Variants in FMNL2 observed in about 807,000 individuals in gnomAD.
FMNL2 encodes formin-like protein 2.
In FMNL2, 51 loss-of-function variants were observed where a neutral mutation model predicts 130.2. The ratio of observed to expected loss-of-function variants is 0.39; its 90% confidence interval spans 0.31 to 0.49. The LOEUF is 0.49. FMNL2 is among the 20% of genes least tolerant of loss of function. The pLI, the probability that FMNL2 is intolerant of heterozygous loss-of-function variation, is 0.85. For missense variants in FMNL2, 977 were observed against 1,316.2 expected (o/e 0.74, Z 3.99); for synonymous variants, 465 against 467.1 (o/e 1.00, Z 0.06).
At chr2:152,372,640 C>T (rs1007756988) in intron 1 of FMNL2, among the ~76,000 whole-genome samples, 4 of 152,194 alleles carry the variant, frequency 2.6e-5, no homozygotes, top group African/African-American at 4.8e-5. Flanking sequence ...TTAACCTTGG[C>T]AGGGTCTGTA....
chr2:152,612,294 A>G (rs1265369624), intron 11 of FMNL2, among the ~76,000 whole-genome samples: 2 of 152,164 alleles, frequency 1.3e-5, no homozygotes, highest in Non-Finnish European at 2.9e-5. Context: ...GCTGAGGTGG[A>G]GGATCACTTG....
chr2:152,622,982 C>T (rs1316200045), intron 15 of FMNL2, among the ~76,000 whole-genome samples: 1 of 152,132 alleles, frequency 6.6e-6, no homozygotes, highest in African/African-American at 2.4e-5. Context: ...GCCATGGGGA[C>T]ACAGTGTGTC....
intron 1 of FMNL2, among the ~76,000 whole-genome samples, chr2:152,430,824 G>C (rs1333508564): frequency 6.6e-6 from 1 of 152,138 alleles, no homozygotes; most frequent in Admixed American, 6.5e-5. Context: ...AGTGAGCCAA[G>C]ATCATGCCAC....
At chr2:152,464,693 G>C (rs1264506097) in intron 1 of FMNL2, among the ~76,000 whole-genome samples, 1 of 152,228 alleles carries the variant, frequency 6.6e-6, no homozygotes, top group Non-Finnish European at 1.5e-5. Context: ...ATCAGCGTGT[G>C]AGGAGGAGGC....
rs1694381212 is a variant in FMNL2 at position 152,542,726 on chromosome 2, G to A, written c.202-13G>A. The A allele has an allele frequency of 6.2e-7, 1 of 1,613,700 alleles. No homozygotes were observed. Among genetic ancestry groups the A allele is most frequent in the South Asian group, 1.1e-5 (1 of 91,082 alleles). The stretch of plus-strand genomic sequence containing the variant: ...CATACCTTTCATGCTTTGGACTTTT[G>A]TGCTTTCTGCAGGAACGATTCCAGG... On this transcript the variant is annotated splice_polypyrimidine_tract_variant and intron_variant, in intron 2 of 25. Transcript: ENST00000288670.
intron 21 of FMNL2, among the ~76,000 whole-genome samples, chr2:152,634,121 A>C (rs945797806): frequency 6.6e-6 from 1 of 152,190 alleles, no homozygotes; most frequent in African/African-American, 2.4e-5. Context: ...GTGAATTATC[A>C]ATCATTATAA....
intron 11 of FMNL2, 145 bp from the exon 12 acceptor site, chr2:152,614,706 C>T (rs1176456607): frequency 1.4e-6 from 1 of 727,434 alleles, no homozygotes; most frequent in East Asian, 3.1e-5. Context: ...TCATACCATT[C>T]CACTCCAGCC....
intron 1 of FMNL2, among the ~76,000 whole-genome samples, chr2:152,397,054 A>T (rs552948733): frequency 6.6e-6 from 1 of 152,196 alleles, no homozygotes; most frequent in Non-Finnish European, 1.5e-5. Flanking sequence ...TAAAATTGCA[A>T]TTAGCATTAT....
intron 1 of FMNL2, among the ~76,000 whole-genome samples, chr2:152,451,682 C>T (rs547446981): frequency 3.3e-5 from 5 of 152,054 alleles, no homozygotes; most frequent in South Asian, 2.1e-4. Flanking sequence ...GAGGTCAGCC[C>T]GCTTGCTCCG....
At chr2:152,571,825 C>T (rs982711558) in intron 6 of FMNL2, among the ~76,000 whole-genome samples, 3 of 151,976 alleles carry the variant, frequency 2.0e-5, no homozygotes, top group African/African-American at 7.3e-5. Context: ...CATGTATATA[C>T]ATTATTTTAT....
intron 12 of FMNL2, among the ~76,000 whole-genome samples, chr2:152,615,572 G>C (rs78664490): frequency 3.9e-5 from 6 of 152,122 alleles, no homozygotes; most frequent in Admixed American, 3.9e-4. Context: ...ACAGGACAGG[G>C]TCTCATTTTT....
chr2:152,425,823 A>G (rs1175673248), intron 1 of FMNL2, among the ~76,000 whole-genome samples: 6 of 152,148 alleles, frequency 3.9e-5, no homozygotes, highest in East Asian at 1.9e-4. Flanking sequence ...TTTCTAATCA[A>G]TAGTTCTTGG....
chr2:152,554,131 C>A (rs780327683), intron 4 of FMNL2, among the ~76,000 whole-genome samples: 5 of 152,150 alleles, frequency 3.3e-5, no homozygotes, highest in Admixed American at 6.5e-5. Flanking sequence ...AATCCATTGG[C>A]CAGGTGCTGT....
chr2:152,336,092 A>AAAAC lies in FMNL2; in HGVS notation c.117+375_117+376insCAAA, dbSNP rs1553861630. ...GAGCCGCTTAGGCTTTTTTTTTAAA[A>AAAAC]AAAACAAAACAAAACAAAACAAAAC... On this transcript the variant is annotated intron_variant, in intron 1 of 25. Transcript: ENST00000288670. Among the ~76,000 whole-genome samples, 413 of 132,334 alleles carry AAAAC rather than the reference A, an allele frequency of 3.1e-3. 3 individuals carry two copies. The highest frequency in any genetic ancestry group is 0.011 in the African/African-American group (384 of 34,808). The allele number at this position is 132,334 out of a possible 152,430, so 86.8% of individuals were successfully genotyped here.
chr2:152,402,273 G>A (rs1685748854), intron 1 of FMNL2, among the ~76,000 whole-genome samples: 2 of 152,204 alleles, frequency 1.3e-5, no homozygotes, highest in East Asian at 1.9e-4. Context: ...AAACATGAAG[G>A]TATGAACAGG....
intron 1 of FMNL2, among the ~76,000 whole-genome samples, chr2:152,394,114 T>G (rs1174862004): frequency 6.6e-6 from 1 of 152,184 alleles, no homozygotes; most frequent in African/African-American, 2.4e-5. Context: ...TAGATAAATT[T>G]TTTAGGCCTA....
At chr2:152,419,347 T>C (rs979640444) in intron 1 of FMNL2, among the ~76,000 whole-genome samples, 2 of 152,306 alleles carry the variant, frequency 1.3e-5, no homozygotes, top group African/African-American at 2.4e-5. Context: ...TATGCTATTA[T>C]TGTATTTACC....
At chr2:152,354,825 C>T (rs1048778002) in intron 1 of FMNL2, among the ~76,000 whole-genome samples, 1 of 152,152 alleles carries the variant, frequency 6.6e-6, no homozygotes, top group East Asian at 1.9e-4. Context: ...ATAAAATTCT[C>T]TGTGTTCTCA....
At chr2:152,642,161 C>G (rs898083237) in intron 25 of FMNL2, among the ~76,000 whole-genome samples, 1 of 152,116 alleles carries the variant, frequency 6.6e-6, no homozygotes, top group African/African-American at 2.4e-5. Flanking sequence ...AGGATGGTCT[C>G]GATCTCCTGA....
Sources: gnomAD v4.1 joint callset for allele counts (sites outside exome capture counted in the v4.1 genomes callset) on GRCh38, gnomAD v4.1.1 for gene constraint, MANE v1.5 for transcripts, NCBI Gene and HGNC (gene_info 2026-07-23, HGNC 2026-07-21) for gene names.